Variants in C11orf68 observed in about 807,000 individuals in gnomAD.
C11orf68 encodes the protein UPF0696 protein C11orf68.
Under a neutral mutation model 4.7 loss-of-function variants are expected in C11orf68, and 3 were observed. The observed-to-expected ratio is 0.64, with a 90% CI of 0.29 to 1.66. C11orf68 has a LOEUF of 1.66. Ranked by LOEUF, C11orf68 falls within the 40% of genes most tolerant of loss-of-function variation. C11orf68 has a pLI of 0.10. For synonymous variants in C11orf68, 186 were observed against 167.8 expected (o/e 1.11, Z -0.84); for missense variants, 422 against 408.0 (o/e 1.03, Z -0.30).
Position 65,919,026 on chromosome 11 carries a change from C to A in C11orf68, c.6G>T (p.Ala2=), listed in dbSNP as rs983342326. 3.2e-5 allele frequency: 37 copies of A among 1,139,816 alleles called. No individual in the cohort carries two copies. The Admixed American group carries it at 1.3e-3, about 41-fold the overall frequency. The allele number at this position is 1,139,816 out of a possible 1,614,324, so 70.6% of individuals were successfully genotyped here. A position where few individuals can be genotyped will look rare whatever the true frequency, so the allele number is the denominator to read the frequency against. ...CCGCCACGGCCGCCGCCGCCGCCGC[C>A]GCCATCTTAGCGCCGCGCCACCTCA... M[A]AAAAAAVAGV... Residue 2 remains alanine (A), a synonymous_variant, in exon 1 of 2, where the codon GCG becomes GCT. Coordinates refer to ENST00000438576, the MANE Select transcript of C11orf68 (RefSeq NM_001135635.2).
chr11:65,918,482 G>A (rs1854492537), intron 1 of C11orf68: 3 of 420,970 alleles, frequency 7.1e-6, no homozygotes, highest in African/African-American at 2.0e-5. Context: ...AAAAGGACTT[G>A]CCCAAGGTCA....
In C11orf68 at chr11:65,919,036, G is replaced by A. The variant is rs756191214; in HGVS notation, c.-5C>T. On this transcript the variant is annotated 5_prime_UTR_variant, in exon 1 of 2. Coordinates refer to ENST00000438576, the MANE Select transcript of C11orf68 (RefSeq NM_001135635.2). ...CGCCGCCGCCGCCGCCGCCATCTTA[G>A]CGCCGCGCCACCTCAACAACAACTT... is the stretch of plus-strand genomic sequence containing the variant. The A allele has an allele frequency of 5.7e-4, 649 of 1,136,156 alleles. 3 individuals are homozygous for A. Among genetic ancestry groups the A allele is most frequent in the Non-Finnish European group, 4.1e-4 (380 of 932,272 alleles). 70.4% of individuals were successfully genotyped at this position (1,136,156 alleles called of 1,614,324 possible).
At position 65,918,921 on chromosome 11, in the gene C11orf68, G is replaced by A; in HGVS notation, c.111C>T (p.Ser37=). 1 of 1,264,086 alleles carries A rather than the reference G, an allele frequency of 7.9e-7. No individual in the cohort carries two copies. Among genetic ancestry groups the A allele is most frequent in the South Asian group, 1.8e-5 (1 of 57,136 alleles). 78.3% of individuals were successfully genotyped at this position (1,264,086 alleles called of 1,614,324 possible). ...RARGWAGVER[S]EGRSRMEPGE... The stretch of plus-strand genomic sequence containing the variant: ...CCGCCCGCAGTCACCTCCGGCCTTC[G>A]CTGCGTTCGACGCCGGCCCAGCCCC... Residue 37 remains serine, a synonymous_variant, in exon 1 of 2, where the codon AGC becomes AGT. Coordinates refer to ENST00000438576, the MANE Select transcript of C11orf68 (RefSeq NM_001135635.2).
chr11:65,917,769 G>T lies in C11orf68; in HGVS notation c.572C>A (p.Ala191Asp). The change falls in exon 2 of 2, where the codon GCC becomes GAC. Residue 191 changes from alanine to aspartate, a missense_variant. Transcript: ENST00000438576. ...LDHAWAGIARAVVEGQLQVAK... is the reference protein window; with the variant it reads ...LDHAWAGIARDVVEGQLQVAK... Reference sequence around the variant, plus strand: ...CACCTGAAGCTGGCCTTCAACCACGGCCCGGGCAATGCCAGCCCAGGCGTG... The same window carrying T: ...CACCTGAAGCTGGCCTTCAACCACGTCCCGGGCAATGCCAGCCCAGGCGTG... The T allele has an allele frequency of 6.2e-7, 1 of 1,612,720 alleles. No individual in the cohort carries two copies. Among genetic ancestry groups the T allele is most frequent in the Non-Finnish European group, 8.5e-7 (1 of 1,179,902 alleles).
In C11orf68 at chr11:65,917,434, G is replaced by T; in HGVS notation, c.*25C>A. On this transcript the variant is annotated 3_prime_UTR_variant, in exon 2 of 2. Coordinates refer to ENST00000438576, the MANE Select transcript of C11orf68 (RefSeq NM_001135635.2). ...CCAACCCCAGCATGGAGGGGGGAGT[G>T]GGCAGTCTCCCCAATTTGGCCCCCC... is the stretch of plus-strand genomic sequence containing the variant. The T allele has an allele frequency of 6.3e-7, 1 of 1,578,298 alleles. No individual in the cohort carries two copies. The highest frequency in any genetic ancestry group is 1.2e-5 in the South Asian group (1 of 85,258).
chr11:65,917,724 G>A lies in C11orf68; in HGVS notation c.617C>T (p.Ala206Val), dbSNP rs1176729165. ...GATGACCTGGCGCCCACCCTCCTTG[G>A]CACGTGGGCTCACCTTGGCCACCTG... ...QLQVAKVSPRAKEGGRQVICV... is the reference protein window; with the variant it reads ...QLQVAKVSPRVKEGGRQVICV... Residue 206 changes from alanine to valine, a missense_variant, in exon 2 of 2, where the codon GCC (alanine) becomes GTC (valine). Transcript: ENST00000438576. 7 of 1,613,606 alleles carry A rather than the reference G, an allele frequency of 4.3e-6. No individual in the cohort carries two copies. Among genetic ancestry groups the A allele is most frequent in the Admixed American group, 3.3e-5 (2 of 59,996 alleles).
Position 65,917,658 on chromosome 11 carries a change from A to C in C11orf68, c.683T>G (p.Leu228Arg). 1.2e-6 allele frequency: 2 copies of C among 1,614,072 alleles called. No individual in the cohort carries two copies. Among genetic ancestry groups the C allele is most frequent in the Non-Finnish European group, 1.7e-6 (2 of 1,180,020 alleles). ...TGCACGGATGGCTGAATCCGCCTCC[A>C]GTACACCCAAGCGGTCCGTGAAGTC... ...TDDFTDRLGV[L>R]EADSAIRAAG... is the part of the protein sequence containing the mutation. The change falls in exon 2 of 2, where the codon CTG (leucine) becomes CGG (arginine). Residue 228 changes from leucine to arginine, a missense_variant. Transcript: ENST00000438576.
chr11:65,918,835 C>A, intron 1 of C11orf68, 75 bp downstream of exon 1: 1 of 1,090,080 alleles, frequency 9.2e-7, no homozygotes, highest in Non-Finnish European at 1.1e-6. Context: ...CCGCGCCCGC[C>A]GCCATTAACG....
chr11:65,918,869 CG>C, intron 1 of C11orf68, 40 bp downstream of exon 1: 1 of 1,189,176 alleles, frequency 8.4e-7, no homozygotes, highest in South Asian at 2.2e-5. Context: ...GCTGTGCTCC[CG>C]CCCCGGCCCT....
In C11orf68 at chr11:65,917,826, A is replaced by G; in HGVS notation, c.515T>C (p.Leu172Pro). 1 of 1,612,124 alleles carries G rather than the reference A, an allele frequency of 6.2e-7. No homozygotes were observed. The highest frequency in any genetic ancestry group is 8.5e-7 in the Non-Finnish European group (1 of 1,179,920). Residue 172 changes from leucine to proline, a missense_variant, in exon 2 of 2, where the codon CTT becomes CCT. Leu to Pro is a moderately conservative substitution (Grantham distance 98, BLOSUM62 -3). Transcript: ENST00000438576. Reference protein sequence around the residue: ...ITHHVLSGKWLMHLAPGFKLD... With the variant: ...ITHHVLSGKWPMHLAPGFKLD... ...CTTGAAGCCCGGTGCCAGATGCATA[A>G]GCCACTTGCCCGAGAGCACGTGGTG...
At position 65,918,119 on chromosome 11, in the gene C11orf68, A is replaced by T; in HGVS notation, c.222T>A (p.Ala74=). ...CAAACACTAGCCAGGGGTCCATGTC[A>T]GCTGCCATGGCCTCTGCAGCCAGGT... is the stretch of plus-strand genomic sequence containing the variant. ...AEHLAAEAMA[A]DMDPWLVFDA... The change falls in exon 2 of 2, where the codon GCT becomes GCA. Residue 74 remains alanine (A), a synonymous_variant. Coordinates refer to ENST00000438576, the MANE Select transcript of C11orf68 (RefSeq NM_001135635.2). 1 of 1,606,102 alleles carries T rather than the reference A, an allele frequency of 6.2e-7. No individual in the cohort carries two copies. Among genetic ancestry groups the T allele is most frequent in the Non-Finnish European group, 8.5e-7 (1 of 1,176,012 alleles).
chr11:65,917,457 C>G lies in C11orf68; in HGVS notation c.*2G>C. ...GTGGGCAGTCTCCCCAATTTGGCCC[C>G]CCTAGGTCAGTTCCACGTTGTTGGC... On this transcript the variant is annotated 3_prime_UTR_variant, in exon 2 of 2. Transcript: ENST00000438576. 6.2e-7 allele frequency: 1 copy of G among 1,603,958 alleles called. No homozygotes were observed. Among genetic ancestry groups the G allele is most frequent in the Non-Finnish European group, 8.5e-7 (1 of 1,174,836 alleles).
chr11:65,918,875 G>C, intron 1 of C11orf68, 35 bp downstream of exon 1: 1 of 1,194,184 alleles, frequency 8.4e-7, no homozygotes, highest in Non-Finnish European at 1.0e-6. Flanking sequence ...CTCCCGCCCC[G>C]GCCCTGCCCT....
At chr11:65,918,728 C>G (rs1854497542) in intron 1 of C11orf68, among the ~76,000 whole-genome samples, 182 bp downstream of exon 1, 1 of 152,252 alleles carries the variant, frequency 6.6e-6, no homozygotes, top group South Asian at 2.1e-4. Flanking sequence ...ACGCTGAAGT[C>G]CAGAGAGGTT....
At position 65,917,860 on chromosome 11, in the gene C11orf68, C is replaced by T. The variant is rs754376904; in HGVS notation, c.481G>A (p.Ala161Thr). 2 of 1,611,220 alleles carry T rather than the reference C, an allele frequency of 1.2e-6. No homozygotes were observed. The highest frequency in any genetic ancestry group is 1.7e-6 in the Non-Finnish European group (2 of 1,179,948). Residue 161 changes from alanine to threonine, a missense_variant, in exon 2 of 2, where the codon GCC (alanine) becomes ACC (threonine). Transcript: ENST00000438576. ...CCCGAGAGCACGTGGTGGGTGATGG[C>T]GAGCTGGCGCAGGGTACCCGGTGTG... The part of the protein sequence containing the change: ...PITPGTLRQL[A>T]ITHHVLSGKW...
Position 65,917,863 on chromosome 11 carries a change from G to A in C11orf68, c.478C>T (p.Leu160Phe). ...GAGAGCACGTGGTGGGTGATGGCGAGCTGGCGCAGGGTACCCGGTGTGATG... is the reference window on the plus strand; with the variant it reads ...GAGAGCACGTGGTGGGTGATGGCGAACTGGCGCAGGGTACCCGGTGTGATG... ...RPITPGTLRQ[L>F]AITHHVLSGK... Residue 160 changes from leucine to phenylalanine, a missense_variant, in exon 2 of 2, where the codon CTC (leucine) becomes TTC (phenylalanine). Leu to Phe is a conservative substitution (Grantham distance 22). Coordinates refer to ENST00000438576, the MANE Select transcript of C11orf68 (RefSeq NM_001135635.2). 6.2e-7 allele frequency: 1 copy of A among 1,611,308 alleles called. No individual in the cohort carries two copies. Among genetic ancestry groups the A allele is most frequent in the Non-Finnish European group, 8.5e-7 (1 of 1,179,976 alleles).
At chr11:65,918,511 G>A (rs75734771) in intron 1 of C11orf68, among the ~76,000 whole-genome samples, 1 of 152,230 alleles carries the variant, frequency 6.6e-6, no homozygotes, top group Non-Finnish European at 1.5e-5. Context: ...GTGCGTGGCA[G>A]GGCCGAAGGG....
Position 65,918,640 on chromosome 11 carries a change from G to A in C11orf68, c.122+270C>T, listed in dbSNP as rs565573503. Among the ~76,000 whole-genome samples the A allele has an allele frequency of 4.6e-5, 7 of 152,266 alleles. No homozygotes were observed. In the East Asian group the frequency reaches 1.4e-3, roughly 29 times the overall value. ...AATAGAGGAACGCAAAGAAGCGCACGTTCGCGCAGCTCCCGAGGCCGGCTC... is the reference window on the plus strand; with the variant it reads ...AATAGAGGAACGCAAAGAAGCGCACATTCGCGCAGCTCCCGAGGCCGGCTC... On this transcript the variant is annotated intron_variant, in intron 1 of 1. Transcript: ENST00000438576.
rs1258843970 is a variant in C11orf68 at position 65,917,310 on chromosome 11, T to C, written c.*149A>G. On this transcript the variant is annotated 3_prime_UTR_variant, in exon 2 of 2. Coordinates refer to ENST00000438576, the MANE Select transcript of C11orf68 (RefSeq NM_001135635.2). ...GTCAGCCCTGAACAGAGGGCAGAAG[T>C]TCAAGGGGACTGAAGATGCAGGTAG... is the stretch of plus-strand genomic sequence containing the variant. 2.0e-6 allele frequency: 2 copies of C among 999,974 alleles called. No homozygotes were observed. The highest frequency in any genetic ancestry group is 4.8e-5 in the East Asian group (2 of 41,640). The allele number at this position is 999,974 out of a possible 1,614,324, so 61.9% of individuals were successfully genotyped here. A position where few individuals can be genotyped will look rare whatever the true frequency, so the allele number is the denominator to read the frequency against.
Sources: gnomAD v4.1 joint callset for allele counts (sites outside exome capture counted in the v4.1 genomes callset) on GRCh38, gnomAD v4.1.1 for gene constraint, MANE v1.5 for transcripts, NCBI Gene and HGNC (gene_info 2026-07-23, HGNC 2026-07-21) for gene names.